Variants in MBTPS1 observed in about 807,000 individuals in gnomAD.
MBTPS1 encodes the protein membrane bound transcription factor peptidase, site 1, also known as membrane-bound transcription factor site-1 protease.
Under a neutral mutation model 127.8 loss-of-function variants are expected in MBTPS1, and 94 were observed. That is an observed-to-expected ratio of 0.74 (90% CI 0.62 to 0.87). The LOEUF (loss-of-function observed/expected upper bound fraction) is 0.87, where lower values mean the gene tolerates loss of function less well. MBTPS1 is among the 40% of genes least tolerant of loss of function. The probability of loss-of-function intolerance (pLI) is 0.00; values close to 1 mark genes in which losing one functional copy is unlikely to be tolerated. For synonymous variants in MBTPS1, 632 were observed against 509.4 expected (o/e 1.24, Z -3.24); for missense variants, 1,636 against 1,353.2 (o/e 1.21, Z -3.28).
chr16:84,100,659 C>G (rs141502343), intron 2 of MBTPS1, among the ~76,000 whole-genome samples: 86 of 151,660 alleles, frequency 5.7e-4, no homozygotes, highest in African/African-American at 2.0e-3. Context: ...CCTGGGAGGC[C>G]AAGGCTGCAA....
At chr16:84,079,847 A>G (rs11860169) in intron 11 of MBTPS1, among the ~76,000 whole-genome samples, 80,202 of 152,016 alleles carry the variant, frequency 0.53, 21,692 homozygotes, top group East Asian at 0.59. Flanking sequence ...AAGCAGTCGT[A>G]TGTGTCTGTG....
Position 84,081,765 on chromosome 16 carries a change from C to A in MBTPS1, c.1430G>T (p.Ser477Ile). The A allele has an allele frequency of 7.0e-7, 1 of 1,433,594 alleles. No individual in the cohort carries two copies. 88.8% of individuals were successfully genotyped at this position (1,433,594 alleles called of 1,614,324 possible). A position where few individuals can be genotyped will look rare whatever the true frequency, so the allele number is the denominator to read the frequency against. The change falls in exon 11 of 23, where the codon AGC becomes ATC. Residue 477 changes from serine (S) to isoleucine (I), a missense_variant. Transcript: ENST00000343411. ...CACTGACCTTGCCTGTGGCTTGTAG[C>A]TGTTGAGGATCTGATAGGCTCTGAG... ...DLLRAYQILN[S>I]YKPQASLSPS...
Position 84,087,473 on chromosome 16 carries a change from C to CAAAAAAAAAAAAAAGAAAAAA in MBTPS1, c.1032-14_1032-13insTTTTTTCTTTTTTTTTTTTTT. ...GTTATTCAGAGTGCTATATTGAGACCAAAAAAAAAAAAAAAGAAAAGAAAA... is the reference window on the plus strand; with the variant it reads ...GTTATTCAGAGTGCTATATTGAGACCAAAAAAAAAAAAAAGAAAAAAAAAAAAAAAAAAAAAGAAAAGAAAA... On this transcript the variant is annotated splice_polypyrimidine_tract_variant and intron_variant, in intron 8 of 22. Coordinates refer to ENST00000343411, the MANE Select transcript of MBTPS1 (RefSeq NM_003791.4). The CAAAAAAAAAAAAAAGAAAAAA allele has an allele frequency of 1.9e-6, 2 of 1,036,174 alleles. No homozygotes were observed. Among genetic ancestry groups the CAAAAAAAAAAAAAAGAAAAAA allele is most frequent in the Non-Finnish European group, 2.8e-6 (2 of 724,810 alleles). 64.2% of individuals were successfully genotyped at this position (1,036,174 alleles called of 1,614,324 possible).
At chr16:84,086,913 CTG>C (rs2086036441) in intron 9 of MBTPS1, among the ~76,000 whole-genome samples, 1 of 152,112 alleles carries the variant, frequency 6.6e-6, no homozygotes. Context: ...ACAATTGTTT[CTG>C]TGTTAGCAGA....
intron 14 of MBTPS1, among the ~76,000 whole-genome samples, chr16:84,069,609 G>A (rs1035919697): frequency 3.3e-5 from 5 of 152,208 alleles, no homozygotes; most frequent in African/African-American, 9.6e-5. Context: ...AAGACTGACA[G>A]CTTTGCTGAC....
At chr16:84,115,223 G>A (rs1198314533) in intron 1 of MBTPS1, among the ~76,000 whole-genome samples, 1 of 152,190 alleles carries the variant, frequency 6.6e-6, no homozygotes, top group African/African-American at 2.4e-5. Context: ...ACCGCGCCCG[G>A]CCCAGCCTTC....
Position 84,091,728 on chromosome 16 carries a change from A to G in MBTPS1, c.963+4T>C, listed in dbSNP as rs776906096. On this transcript the variant is annotated splice_donor_region_variant and intron_variant, in intron 7 of 22. Coordinates refer to ENST00000343411, the MANE Select transcript of MBTPS1 (RefSeq NM_003791.4). ...CAAACCCCGTGTGCAGTGACTCCACAAACCTTGTCAACAAACGGATGATCC... is the reference window on the plus strand; with the variant it reads ...CAAACCCCGTGTGCAGTGACTCCACGAACCTTGTCAACAAACGGATGATCC... 10 of 1,608,732 alleles carry G rather than the reference A, an allele frequency of 6.2e-6. No individual in the cohort carries two copies. The East Asian group carries it at 1.1e-4, about 18-fold the overall frequency.
intron 4 of MBTPS1, 27 bp downstream of exon 4, chr16:84,095,575 G>A: frequency 1.9e-6 from 3 of 1,609,390 alleles, no homozygotes; most frequent in Non-Finnish European, 8.5e-7. Flanking sequence ...TATCCCATAA[G>A]CACCTTCCCT....
rs141329382 is a variant in MBTPS1, at chr16:84,077,762, C to T, written c.1449-3021G>A. On this transcript the variant is annotated intron_variant, in intron 11 of 22. Transcript: ENST00000343411. ...AACAAATGTGACTATTAAAAAACAA[C>T]TGCATGGCAAAAACACCTTACACTA... Among the ~76,000 whole-genome samples the T allele has an allele frequency of 9.5e-3, 1,451 of 152,252 alleles. 11 individuals carry two copies. The highest frequency in any genetic ancestry group is 0.013 in the Non-Finnish European group (872 of 68,016).
intron 21 of MBTPS1, chr16:84,058,175 A>G (rs1358388549): frequency 6.6e-6 from 1 of 152,216 alleles, no homozygotes; most frequent in Non-Finnish European, 1.5e-5. Flanking sequence ...TGATTCTACC[A>G]TTTTCCTGTG....
chr16:84,104,504 C>T (rs926396586), intron 1 of MBTPS1, among the ~76,000 whole-genome samples: 1 of 152,102 alleles, frequency 6.6e-6, no homozygotes, highest in Non-Finnish European at 1.5e-5. Context: ...CCTCTTAAAA[C>T]TTTTCTGCCT....
rs1258075356 is a variant in MBTPS1 at position 84,081,821 on chromosome 16, C to T, written c.1374G>A (p.Met458Ile). Residue 458 changes from methionine to isoleucine, a missense_variant, in exon 11 of 23, where the codon ATG becomes ATA. By Grantham distance (10) the Met-to-Ile change is conservative. Transcript: ENST00000343411. ...CGAGCTTGCCGTGGCCTTGCTCAAA[C>T]ATGTTGACCCCGGGGAGCCTCCGGG... is the stretch of plus-strand genomic sequence containing the variant. ...ASARRLPGVN[M>I]FEQGHGKLDL... 4 of 1,532,342 alleles carry T rather than the reference C, an allele frequency of 2.6e-6. No homozygotes were observed. The highest frequency in any genetic ancestry group is 1.3e-5 in the South Asian group (1 of 79,588). 94.9% of individuals were successfully genotyped at this position (1,532,342 alleles called of 1,614,324 possible). A position where few individuals can be genotyped will look rare whatever the true frequency, so the allele number is the denominator to read the frequency against.
intron 6 of MBTPS1, among the ~76,000 whole-genome samples, chr16:84,092,584 G>C (rs920399074): frequency 2.0e-5 from 3 of 152,160 alleles, no homozygotes; most frequent in Non-Finnish European, 4.4e-5. Context: ...GGGGACAGGG[G>C]TGGGGGTCTC....
chr16:84,062,883 G>A (rs1012294474), intron 19 of MBTPS1, among the ~76,000 whole-genome samples: 1 of 152,216 alleles, frequency 6.6e-6, no homozygotes, highest in African/African-American at 2.4e-5. Context: ...ACAGCCAAGA[G>A]CCAGCCCTCC....
intron 17 of MBTPS1, 33 bp downstream of exon 17, chr16:84,066,456 C>G (rs2085684265): frequency 1.2e-6 from 2 of 1,609,900 alleles, no homozygotes; most frequent in South Asian, 2.2e-5. Context: ...GCTCTCACAC[C>G]TAAGACCACG....
intron 19 of MBTPS1, chr16:84,061,511 G>A (rs1483218081): frequency 6.6e-6 from 1 of 152,406 alleles, no homozygotes; most frequent in East Asian, 1.9e-4. Flanking sequence ...GCAACAGGGA[G>A]AGGAGAACGG....
intron 11 of MBTPS1, among the ~76,000 whole-genome samples, chr16:84,078,932 A>G (rs936555359): frequency 2.6e-5 from 4 of 152,212 alleles, no homozygotes; most frequent in South Asian, 4.1e-4. Context: ...GGGAACTGAC[A>G]TGGTTTGGAT....
chr16:84,065,668 G>A (rs1421306512), intron 18 of MBTPS1, 22 bp downstream of exon 18: 14 of 1,547,778 alleles, frequency 9.0e-6, no homozygotes, highest in African/African-American at 1.4e-5. Flanking sequence ...GAAGCAAAAG[G>A]CCCATGAATG....
At chr16:84,092,599 T>G (rs953584799) in intron 6 of MBTPS1, among the ~76,000 whole-genome samples, 1 of 152,214 alleles carries the variant, frequency 6.6e-6, no homozygotes, top group Non-Finnish European at 1.5e-5. Context: ...GGTCTCACTG[T>G]GTTACCTTCT....
Sources: gnomAD v4.1 joint callset for allele counts (sites outside exome capture counted in the v4.1 genomes callset) on GRCh38, gnomAD v4.1.1 for gene constraint, MANE v1.5 for transcripts, NCBI Gene and HGNC (gene_info 2026-07-23, HGNC 2026-07-21) for gene names.